The following TTC29 variants were observed in gnomAD, a reference collection of about 807,000 sequenced individuals.
TTC29 encodes tetratricopeptide repeat protein 29.
TTC29 carries 49 observed loss-of-function variants against 58.1 expected under a neutral mutation model. That is an observed-to-expected ratio of 0.84 (90% CI 0.67 to 1.07). The LOEUF (loss-of-function observed/expected upper bound fraction) is 1.07. Among genes scored for constraint, TTC29 ranks in the 50% least tolerant of loss-of-function variants. The pLI is 0.00. For synonymous variants in TTC29, 209 were observed against 196.8 expected, an observed-to-expected ratio of 1.06 and a Z score of -0.52; for missense variants, 582 against 555.6, an observed-to-expected ratio of 1.05 and a Z score of -0.48.
intron 11 of TTC29, among the ~76,000 whole-genome samples, chr4:146,714,749 A>C (rs1186170157): frequency 6.6e-6 from 1 of 152,222 alleles, no homozygotes; most frequent in Non-Finnish European, 1.5e-5. Context: ...AAGGCAGAAG[A>C]AAAATGATAC....
chr4:146,940,459 T>C (rs1444907219), intron 2 of TTC29, among the ~76,000 whole-genome samples: 1 of 152,230 alleles, frequency 6.6e-6, no homozygotes, highest in Non-Finnish European at 1.5e-5. Flanking sequence ...CTTCAAAATG[T>C]ACTGTTTTTT....
intron 11 of TTC29, among the ~76,000 whole-genome samples, chr4:146,760,222 C>T (rs1579612451): frequency 6.6e-6 from 1 of 151,802 alleles, no homozygotes; most frequent in Non-Finnish European, 1.5e-5. Flanking sequence ...TAGCAATATA[C>T]CTAACCAAGG....
At chr4:146,897,559 G>C (rs749745835) in intron 6 of TTC29, among the ~76,000 whole-genome samples, 9 of 152,142 alleles carry the variant, frequency 5.9e-5, no homozygotes, top group Non-Finnish European at 1.3e-4. Context: ...TGCAGGGGAG[G>C]GGCTGATGTT....
chr4:146,723,267 A>T (rs1743509769), intron 11 of TTC29, among the ~76,000 whole-genome samples: 1 of 152,054 alleles, frequency 6.6e-6, no homozygotes, highest in Admixed American at 6.5e-5. Context: ...AATTAAATGT[A>T]AGACCTCAAA....
intron 11 of TTC29, among the ~76,000 whole-genome samples, chr4:146,751,278 T>C (rs1358040803): frequency 1.3e-5 from 2 of 152,214 alleles, no homozygotes; most frequent in Non-Finnish European, 2.9e-5. Context: ...CAGATTTCAA[T>C]ACCCCACTTT....
chr4:146,889,396 C>CA (rs1303494546), intron 6 of TTC29, among the ~76,000 whole-genome samples: 3 of 151,892 alleles, frequency 2.0e-5, no homozygotes, highest in Non-Finnish European at 2.9e-5. Flanking sequence ...TATAACTAAA[C>CA]AATACATGCA....
rs185503463 is a variant in TTC29 at position 146,872,350 on chromosome 4, G to T, written c.799+2366C>A. ...CATTGGTCAAAGCCTTCTTATTGAT[G>T]ATATCAGAAGCAAGAACAGCAAAAG... On this transcript the variant is annotated intron_variant, in intron 7 of 12. Coordinates refer to ENST00000325106, the MANE Select transcript of TTC29 (RefSeq NM_031956.4). Among the ~76,000 whole-genome samples the T allele has an allele frequency of 1.1e-4, 17 of 152,076 alleles. No homozygotes were observed. In the East Asian group the frequency reaches 1.9e-3, roughly 17 times the overall value.
intron 8 of TTC29, among the ~76,000 whole-genome samples, chr4:146,848,714 A>G (rs1729329776): frequency 6.6e-6 from 1 of 152,172 alleles, no homozygotes; most frequent in Non-Finnish European, 1.5e-5. Context: ...CCCAGGAGGA[A>G]CAGTAGAGAA....
chr4:146,891,198 C>T lies in TTC29; in HGVS notation c.586+12346G>A, dbSNP rs191597885. 3.3e-5 allele frequency among the ~76,000 whole-genome samples: 5 copies of T among 152,150 alleles called. 1 individual carries two copies. Among genetic ancestry groups the T allele is most frequent in the East Asian group, 1.9e-4 (1 of 5,174 alleles). ...CCTAGAGGTTTGTCCTGATCAGTTC[C>T]GAAATGTGTTGCAAGGATTTTCTTA... On this transcript the variant is annotated intron_variant, in intron 6 of 12. Coordinates refer to ENST00000325106, the MANE Select transcript of TTC29 (RefSeq NM_031956.4).
intron 11 of TTC29, among the ~76,000 whole-genome samples, chr4:146,742,481 C>T (rs1323498724): frequency 3.3e-5 from 5 of 152,090 alleles, no homozygotes; most frequent in Non-Finnish European, 1.5e-5. Context: ...GTAAATACGT[C>T]TAATAATTAA....
chr4:146,934,317 A>AG (rs1382948303), intron 4 of TTC29: 1 of 152,094 alleles, frequency 6.6e-6, no homozygotes, highest in African/African-American at 2.4e-5. Flanking sequence ...GATGGATTAG[A>AG]GGGGGGTAGC....
chr4:146,836,609 T>C (rs1728526073), intron 8 of TTC29, among the ~76,000 whole-genome samples: 2 of 152,020 alleles, frequency 1.3e-5, no homozygotes, highest in Admixed American at 1.3e-4. Flanking sequence ...AAAAATAACA[T>C]GATACTACAA....
At chr4:146,767,498 C>A (rs536470914) in intron 11 of TTC29, among the ~76,000 whole-genome samples, 4 of 151,956 alleles carry the variant, frequency 2.6e-5, no homozygotes, top group African/African-American at 4.8e-5. Context: ...TAACAAAATG[C>A]CTTAATTTAG....
chr4:146,719,158 T>A (rs1743165550), intron 11 of TTC29, among the ~76,000 whole-genome samples: 1 of 151,740 alleles, frequency 6.6e-6, no homozygotes, highest in African/African-American at 2.4e-5. Flanking sequence ...CCAGATTTGT[T>A]CTTTTTGCTC....
chr4:146,883,310 G>A (rs1396171625), intron 6 of TTC29, among the ~76,000 whole-genome samples: 1 of 152,026 alleles, frequency 6.6e-6, no homozygotes, highest in African/African-American at 2.4e-5. Flanking sequence ...TGCAACGGGT[G>A]CGGAAACAAT....
At chr4:146,710,901 TCCA>T (rs1212046943) in intron 11 of TTC29, among the ~76,000 whole-genome samples, 6 of 152,044 alleles carry the variant, frequency 3.9e-5, no homozygotes, top group African/African-American at 9.7e-5. Flanking sequence ...TTGCTATAAA[TCCA>T]CCATCGCATC....
chr4:146,821,191 C>T (rs1346247444), intron 9 of TTC29, among the ~76,000 whole-genome samples: 2 of 152,006 alleles, frequency 1.3e-5, no homozygotes, highest in Non-Finnish European at 2.9e-5. Flanking sequence ...GGCTAGTGGT[C>T]GCTAGAGGCT....
intron 11 of TTC29, among the ~76,000 whole-genome samples, chr4:146,793,819 GGTAA>G (rs1444319583): frequency 1.3e-5 from 2 of 152,052 alleles, no homozygotes; most frequent in Non-Finnish European, 2.9e-5. Flanking sequence ...TGTTAGATAT[GGTAA>G]GTGACAGCAT....
chr4:146,777,381 A>C (rs773338198), intron 11 of TTC29, among the ~76,000 whole-genome samples: 3 of 150,822 alleles, frequency 2.0e-5, no homozygotes, highest in Non-Finnish European at 4.4e-5. Context: ...TTTATATATT[A>C]CGTTGACTTT....
Sources: allele counts gnomAD v4.1 joint callset (sites outside exome capture counted in the v4.1 genomes callset), GRCh38; gene constraint gnomAD v4.1.1; transcripts MANE v1.5; gene names NCBI Gene and HGNC (gene_info 2026-07-23, HGNC 2026-07-21).